The following HK1 variants were observed in gnomAD, a reference collection of about 807,000 sequenced individuals.
HK1 encodes the protein hexokinase-1.
In HK1, 28 loss-of-function variants were observed where a neutral mutation model predicts 91.6. That is an observed-to-expected ratio of 0.31 (90% confidence interval 0.23 to 0.42). The LOEUF is 0.42. Among genes scored for constraint, HK1 ranks in the 10% least tolerant of loss-of-function variants. The pLI, the probability that HK1 is intolerant of heterozygous loss-of-function variation, is 1.00. For synonymous variants in HK1, 430 were observed against 468.1 expected, an observed-to-expected ratio of 0.92 and a Z score of 1.05; for missense variants, 770 against 1,219.8, an observed-to-expected ratio of 0.63 and a Z score of 5.49.
intron 4 of HK1, among the ~76,000 whole-genome samples, chr10:69,299,888 C>G (rs1564763952): frequency 6.6e-6 from 1 of 151,644 alleles, no homozygotes; most frequent in Non-Finnish European, 1.5e-5. Context: ...TCTTGAACTC[C>G]TGACCTCATG....
chr10:69,278,313 T>C, intron 1 of HK1, among the ~76,000 whole-genome samples: 1 of 152,222 alleles, frequency 6.6e-6, no homozygotes, highest in East Asian at 1.9e-4. Flanking sequence ...GTATATTTAA[T>C]CTGTATTTTG....
chr10:69,331,112 T>C (rs1050744236), intron 1 of HK1, among the ~76,000 whole-genome samples: 1 of 152,188 alleles, frequency 6.6e-6, no homozygotes, highest in Non-Finnish European at 1.5e-5. Flanking sequence ...ACTCCTGGCC[T>C]CAAGTGATCT....
chr10:69,319,199 C>A (rs1313443325), intron 1 of HK1, 189 bp downstream of exon 1: 2 of 722,696 alleles, frequency 2.8e-6, no homozygotes, highest in East Asian at 2.7e-5. Flanking sequence ...TGTGTGTGTG[C>A]GTTTTTGGGA....
intron 2 of HK1, among the ~76,000 whole-genome samples, chr10:69,287,345 A>AG (rs60582553): frequency 0.075 from 11,393 of 152,018 alleles, 573 homozygotes; most frequent in East Asian, 0.16. Flanking sequence ...CAAGAACAGC[A>AG]GGGGGGGAAC....
chr10:69,276,106 A>AT (rs1564746684), intron 1 of HK1, among the ~76,000 whole-genome samples: 2 of 45,836 alleles, frequency 4.4e-5, no homozygotes, highest in South Asian at 8.9e-4. Context: ...AAAAAAAAAA[A>AT]AAAAAAAAAA....
chr10:69,283,798 C>CAAAAAAAAA (rs571297748), intron 2 of HK1, among the ~76,000 whole-genome samples: 16 of 67,434 alleles, frequency 2.4e-4, no homozygotes, highest in African/African-American at 3.3e-4. Flanking sequence ...GACTCTGTCT[C>CAAAAAAAAA]AAAAAAAAAA....
At chr10:69,319,107 C>G (rs1846851332) in intron 1 of HK1, 97 bp downstream of exon 1, 2 of 1,387,142 alleles carry the variant, frequency 1.4e-6, no homozygotes, top group Admixed American at 2.0e-5. Flanking sequence ...GGCGCCCGGC[C>G]TTCTCCGGGC....
At chr10:69,271,686 C>G (rs141294555) in intron 1 of HK1, among the ~76,000 whole-genome samples, 4,103 of 151,892 alleles carry the variant, frequency 0.027, 83 homozygotes, top group East Asian at 0.11. Flanking sequence ...ACCATGTTAG[C>G]CAGGATAGTC....
intron 1 of HK1, among the ~76,000 whole-genome samples, chr10:69,275,397 AAC>A (rs1491232025): frequency 6.6e-5 from 10 of 150,712 alleles, no homozygotes; most frequent in Non-Finnish European, 8.9e-5. Context: ...TTAAAAAAAA[AAC>A]AACTTAAATT....
intron 3 of HK1, among the ~76,000 whole-genome samples, chr10:69,294,033 T>TTG (rs1411962242): frequency 6.0e-5 from 9 of 150,034 alleles, no homozygotes; most frequent in African/African-American, 2.0e-4. Context: ...GGCTGATTTT[T>TTG]TGTATTTTTA....
chr10:69,381,593 G>T (rs5019350), intron 9 of HK1, among the ~76,000 whole-genome samples: 1 of 143,404 alleles, frequency 7.0e-6, no homozygotes. Context: ...CTGTTGCCCA[G>T]GCTGGAGTGG....
chr10:69,396,867 T>C (rs934482302), intron 16 of HK1, among the ~76,000 whole-genome samples: 4 of 151,998 alleles, frequency 2.6e-5, no homozygotes, highest in Non-Finnish European at 5.9e-5. Flanking sequence ...GTATTTTTAG[T>C]AGAGATGGGG....
chr10:69,300,540 A>G, intron 4 of HK1: 1 of 707,234 alleles, frequency 1.4e-6, no homozygotes. Context: ...GGCCAGATGG[A>G]AGCAGATTAT....
intron 1 of HK1, among the ~76,000 whole-genome samples, chr10:69,325,604 A>C (rs1263453180): frequency 2.0e-5 from 3 of 148,620 alleles, no homozygotes; most frequent in Non-Finnish European, 4.5e-5. Flanking sequence ...CAGCTCACTG[A>C]AACCTCCATC....
rs7478446 is a variant in HK1, at chr10:69,351,212, T to A, written c.226+7223T>A. Among the ~76,000 whole-genome samples, 858 of 103,614 alleles carry A rather than the reference T, an allele frequency of 8.3e-3. 3 individuals carry two copies. Among genetic ancestry groups the A allele is most frequent in the Middle Eastern group, 0.043 (7 of 164 alleles). 68.0% of individuals were successfully genotyped at this position (103,614 alleles called of 152,430 possible). ...ATAAATAAATAAATAAATAAATAAATAAAACCAAAGCTAGGCCAGGCACGG... is the reference window on the plus strand; with the variant it reads ...ATAAATAAATAAATAAATAAATAAAAAAAACCAAAGCTAGGCCAGGCACGG... On this transcript the variant is annotated intron_variant, in intron 2 of 17. Transcript: ENST00000359426.
chr10:69,303,478 C>T (rs574251850), intron 5 of HK1, among the ~76,000 whole-genome samples: 14 of 152,038 alleles, frequency 9.2e-5, no homozygotes, highest in African/African-American at 2.9e-4. Flanking sequence ...TTACTCAAAT[C>T]AGTTTCCCCA....
At position 69,288,104 on chromosome 10, in the gene HK1, C is replaced by G. The variant is rs529839286; in HGVS notation, c.-214-567C>G. On this transcript the variant is annotated intron_variant, in intron 2 of 21. Coordinates refer to the HK1 transcript ENST00000360289. ...TCAAGTTTGAGGCTGCAGTGTGCTA[C>G]GATGGCACCACTGCACTCCAACCTG... Among the ~76,000 whole-genome samples, 5 of 152,284 alleles carry G rather than the reference C, an allele frequency of 3.3e-5. No homozygotes were observed. The South Asian group carries it at 1.0e-3, about 32-fold the overall frequency.
rs545192298 is a variant in HK1 at position 69,385,074 on chromosome 10, G to A, written c.1839+159G>A. The stretch of plus-strand genomic sequence containing the variant: ...CAGGCTTTATTTCACAGCCTGCAGG[G>A]CATACTGAGACTCTTCTCTCTTCTT... On this transcript the variant is annotated intron_variant, in intron 12 of 17. Coordinates refer to ENST00000359426, the MANE Select transcript of HK1 (RefSeq NM_000188.3). Among the ~76,000 whole-genome samples the A allele has an allele frequency of 2.6e-5, 4 of 152,302 alleles. No individual in the cohort carries two copies. In the South Asian group the frequency reaches 6.2e-4, roughly 24 times the overall value.
chr10:69,334,172 A>G (rs1359047302), intron 1 of HK1, among the ~76,000 whole-genome samples: 3 of 152,176 alleles, frequency 2.0e-5, no homozygotes, highest in African/African-American at 7.2e-5. Flanking sequence ...AACAGAGTTC[A>G]TTGAAACAGA....
Sources: gnomAD v4.1 joint callset for allele counts (sites outside exome capture counted in the v4.1 genomes callset) on GRCh38, gnomAD v4.1.1 for gene constraint, MANE v1.5 for transcripts, NCBI Gene and HGNC (gene_info 2026-07-23, HGNC 2026-07-21) for gene names.